The following SVEP1 variants were observed in gnomAD, a reference collection of about 807,000 sequenced individuals.
SVEP1 encodes sushi, von Willebrand factor type A, EGF and pentraxin domain-containing protein 1.
SVEP1 carries 164 observed loss-of-function variants against 367.3 expected under a neutral mutation model. The ratio of observed to expected loss-of-function variants is 0.45; its 90% CI spans 0.39 to 0.51. The LOEUF (loss-of-function observed/expected upper bound fraction) is 0.51. SVEP1 is among the 20% of genes least tolerant of loss of function. SVEP1 has a pLI of 0.00. For missense variants in SVEP1, 4,117 were observed against 4,425.3 expected (o/e 0.93, Z 1.98); for synonymous variants, 1,666 against 1,611.6 (o/e 1.03, Z -0.81).
Position 110,546,287 on chromosome 9 carries a change from T to A in SVEP1, c.792A>T (p.Leu264=). The change falls in exon 3 of 48, where the codon CTA becomes CTT. Residue 264 remains leucine (L), a synonymous_variant. Transcript: ENST00000374469. ...CATCTTGAATAAAACTCCCAGAAGG[T>A]AGATCTACAAATAACATATGACAGA... The part of the protein sequence containing the change: ...ALARRALHED[L]PSGSFIQDDM... 6.3e-7 allele frequency: 1 copy of A among 1,585,246 alleles called. No homozygotes were observed. Among genetic ancestry groups the A allele is most frequent in the Non-Finnish European group, 8.6e-7 (1 of 1,165,052 alleles).
At chr9:110,395,171 A>T (rs895892559) in intron 40 of SVEP1, among the ~76,000 whole-genome samples, 1 of 152,274 alleles carries the variant, frequency 6.6e-6, no homozygotes, top group African/African-American at 2.4e-5. Flanking sequence ...AAACTCTACA[A>T]GCCAGAAGAG....
chr9:110,402,776 T>C (rs1183898282), intron 39 of SVEP1, among the ~76,000 whole-genome samples: 5 of 152,174 alleles, frequency 3.3e-5, no homozygotes, highest in African/African-American at 9.7e-5. Flanking sequence ...TTCAGCTCTA[T>C]ATCTAAAAGG....
Position 110,404,499 on chromosome 9 carries a change from T to G in SVEP1, c.9494A>C (p.Lys3165Thr). The G allele has an allele frequency of 6.2e-7, 1 of 1,614,022 alleles. No homozygotes were observed. Among genetic ancestry groups the G allele is most frequent in the Non-Finnish European group, 8.5e-7 (1 of 1,179,892 alleles). ...DTDTDTFTCQKDGRWFPERIS... is the reference protein window; with the variant it reads ...DTDTDTFTCQTDGRWFPERIS... Reference sequence around the variant, plus strand: ...TCTCTCAGGGAACCAGCGACCATCTTTCTGACAGGTGAATGTATCTGTATC... The same window carrying G: ...TCTCTCAGGGAACCAGCGACCATCTGTCTGACAGGTGAATGTATCTGTATC... The change falls in exon 39 of 48, where the codon AAA becomes ACA. Residue 3165 changes from lysine (K) to threonine (T), a missense_variant. Physicochemically the swap from Lys to Thr is moderately conservative, Grantham distance 78 (BLOSUM62 -1). This residue lies in a region of SVEP1 where 1,765 missense variants were observed against 1,781.1 expected (regional missense o/e 0.99). Coordinates refer to ENST00000374469, the MANE Select transcript of SVEP1 (RefSeq NM_153366.4).
At chr9:110,462,922 C>T (rs577079971) in intron 18 of SVEP1, among the ~76,000 whole-genome samples, 55 of 152,008 alleles carry the variant, frequency 3.6e-4, no homozygotes, top group African/African-American at 1.3e-3. Context: ...ATTAATAATA[C>T]TATATTGTAT....
chr9:110,468,779 T>C (rs1426229518), intron 17 of SVEP1, among the ~76,000 whole-genome samples, 161 bp downstream of exon 17: 1 of 152,266 alleles, frequency 6.6e-6, no homozygotes, highest in Non-Finnish European at 1.5e-5. Flanking sequence ...CTAAAACTTA[T>C]ATTGAATAAA....
intron 36 of SVEP1, among the ~76,000 whole-genome samples, chr9:110,423,669 T>C (rs1266605971): frequency 6.6e-6 from 1 of 151,996 alleles, no homozygotes; most frequent in Non-Finnish European, 1.5e-5. Flanking sequence ...TATGGGTATA[T>C]TAAAATAAAA....
rs772136008 is a variant in SVEP1, at chr9:110,411,611, T to A, written c.6100A>T (p.Thr2034Ser). 2 of 1,613,650 alleles carry A rather than the reference T, an allele frequency of 1.2e-6. No individual in the cohort carries two copies. Among genetic ancestry groups the A allele is most frequent in the South Asian group, 1.1e-5 (1 of 90,966 alleles). Residue 2034 changes from threonine to serine, a missense_variant, in exon 37 of 48, where the codon ACT (threonine) becomes TCT (serine). This residue lies in a region of SVEP1 where 2,174 missense variants were observed against 2,494.3 expected (regional missense o/e 0.87). Transcript: ENST00000374469. Reference protein sequence around the residue: ...PPIVDHASPETAHRLFGDIAF... With the variant: ...PPIVDHASPESAHRLFGDIAF... ...ATGTCTCCAAAGAGCCGATGGGCAG[T>A]CTCTGGAGAGGCGTGGTCCACAATG...
rs985700063 is a variant in SVEP1 at position 110,370,003 on chromosome 9, A to C, written c.10614T>G (p.Ser3538=). Residue 3538 remains serine (S), a synonymous_variant, in exon 47 of 48, where the codon TCT becomes TCG. Transcript: ENST00000374469. The part of the protein sequence containing the change: ...GSRCHTAVCQ[S]PCLNGGKCVR... ...CACATTTTCCACCATTTAAGCAGGG[A>C]GACTGGCAAACAGCTGGAATAAAAA... 6.2e-7 allele frequency: 1 copy of C among 1,612,974 alleles called. No homozygotes were observed. Among genetic ancestry groups the C allele is most frequent in the South Asian group, 1.1e-5 (1 of 90,948 alleles).
At chr9:110,459,554 T>A (rs1003556366) in intron 18 of SVEP1, among the ~76,000 whole-genome samples, 3 of 152,176 alleles carry the variant, frequency 2.0e-5, no homozygotes, top group African/African-American at 7.2e-5. Flanking sequence ...GCATAAATCT[T>A]TGTATTTAGC....
chr9:110,372,476 A>G (rs1827292802), intron 46 of SVEP1, among the ~76,000 whole-genome samples: 1 of 152,228 alleles, frequency 6.6e-6, no homozygotes, highest in Non-Finnish European at 1.5e-5. Flanking sequence ...GTTCAGTGTC[A>G]TTAGGAGCAT....
Position 110,496,822 on chromosome 9 carries a change from C to T in SVEP1, c.1793G>A (p.Gly598Asp), listed in dbSNP as rs1203389181. ...TAATTGCACAAACCTTACCTTTTCA[C>T]CAGAGTTGTCTTTAGCTGTTGGAAT... is the stretch of plus-strand genomic sequence containing the variant. ...WQIPTAKDNS[G>D]EKVSVHVHPA... Residue 598 changes from glycine to aspartate, a missense_variant, in exon 8 of 48, where the codon GGT becomes GAT. Around this residue, in one of 4 missense-constraint regions of SVEP1, gnomAD observed 2,174 missense variants for 2,494.3 expected, o/e 0.87. Transcript: ENST00000374469. 6.4e-7 allele frequency: 1 copy of T among 1,553,796 alleles called. No homozygotes were observed. Among genetic ancestry groups the T allele is most frequent in the Non-Finnish European group, 8.7e-7 (1 of 1,147,248 alleles).
Position 110,455,657 on chromosome 9 carries a change from G to C in SVEP1, c.3720C>G (p.Cys1240Trp). The change falls in exon 22 of 48, where the codon TGC becomes TGG. Residue 1240 changes from cysteine (C) to tryptophan (W), a missense_variant. Coordinates refer to ENST00000374469, the MANE Select transcript of SVEP1 (RefSeq NM_153366.4). Reference protein sequence around the residue: ...TDIDECSPLPCLNNGVCKDLV... With the variant: ...TDIDECSPLPWLNNGVCKDLV... ...GGTCTTTACAAACTCCATTGTTGAG[G>C]CAAGGCAGTGGGCTGCACTCATCGA... 1 of 1,613,458 alleles carries C rather than the reference G, an allele frequency of 6.2e-7. No individual in the cohort carries two copies. Among genetic ancestry groups the C allele is most frequent in the Non-Finnish European group, 8.5e-7 (1 of 1,179,650 alleles).
At chr9:110,451,036 C>A (rs937670477) in intron 23 of SVEP1, among the ~76,000 whole-genome samples, 1 of 152,046 alleles carries the variant, frequency 6.6e-6, no homozygotes, top group Non-Finnish European at 1.5e-5. Flanking sequence ...TGAAAGTTTG[C>A]CTTTACACAC....
chr9:110,470,751 CAT>C (rs36005017), intron 16 of SVEP1, among the ~76,000 whole-genome samples: 2 of 147,256 alleles, frequency 1.4e-5, no homozygotes, highest in Non-Finnish European at 1.5e-5. Flanking sequence ...TTACTGTCTT[CAT>C]ATATATATAT....
chr9:110,465,829 G>T (rs757803157), intron 18 of SVEP1, 36 bp downstream of exon 18: 13 of 1,597,968 alleles, frequency 8.1e-6, no homozygotes, highest in Non-Finnish European at 1.1e-5. Context: ...AACCTAGTAG[G>T]TTTAAAGAAA....
intron 43 of SVEP1, among the ~76,000 whole-genome samples, chr9:110,380,964 G>A (rs1218682069): frequency 6.6e-6 from 1 of 152,134 alleles, no homozygotes; most frequent in African/African-American, 2.4e-5. Flanking sequence ...ATGTGTCCAG[G>A]AATTTATCCA....
chr9:110,465,165 ACCGAATCAAAGAC>A (rs1210463010), intron 18 of SVEP1, among the ~76,000 whole-genome samples: 4 of 152,074 alleles, frequency 2.6e-5, no homozygotes, highest in African/African-American at 9.7e-5. Flanking sequence ...CCCCAGACCT[ACCGAATCAAAGAC>A]CCTGGAGGTA....
In SVEP1 at chr9:110,411,075, A is replaced by C; in HGVS notation, c.6636T>G (p.Asn2212Lys). The change falls in exon 37 of 48, where the codon AAT (asparagine) becomes AAG (lysine). Residue 2212 changes from asparagine (N) to lysine (K), a missense_variant. Asn to Lys is a moderately conservative substitution (Grantham distance 94). Coordinates refer to ENST00000374469, the MANE Select transcript of SVEP1 (RefSeq NM_153366.4). ...ATTGGTCTCTTACCTCCAGAAAGCC[A>C]TTCTCAACCTTAGGTGGTTCACCAC... ...VSCGEPPKVE[N>K]GFLEHTTGRI... 6.4e-7 allele frequency: 1 copy of C among 1,572,476 alleles called. No individual in the cohort carries two copies.
In SVEP1 at chr9:110,369,906, G is replaced by GA. The variant is rs1564120559; in HGVS notation, c.10694+16_10694+17insT. The GA allele has an allele frequency of 1.2e-6, 2 of 1,605,698 alleles. No homozygotes were observed. The highest frequency in any genetic ancestry group is 1.7e-6 in the Non-Finnish European group (2 of 1,175,186). On this transcript the variant is annotated intron_variant, in intron 47 of 47. Transcript: ENST00000374469. The stretch of plus-strand genomic sequence containing the variant: ...GTCTTCATGTTATAGGCGAACATTA[G>GA]TTTTTGGTTATCTTACCTGGAACAG...
Sources: allele counts gnomAD v4.1 joint callset (sites outside exome capture counted in the v4.1 genomes callset), GRCh38; gene constraint gnomAD v4.1.1; regional missense constraint gnomAD v4.1.1; transcripts MANE v1.5; gene names NCBI Gene and HGNC (gene_info 2026-07-23, HGNC 2026-07-21).